ITGA11: variants seen among roughly 807,000 people sequenced by gnomAD.
ITGA11 encodes integrin alpha-11.
Under a neutral mutation model 141.9 loss-of-function variants are expected in ITGA11, and 97 were observed. The ratio of observed to expected loss-of-function variants is 0.68; its 90% CI spans 0.58 to 0.81. The LOEUF is 0.81. ITGA11 is among the 30% of genes least tolerant of loss of function. ITGA11 has a pLI of 0.00. For synonymous variants in ITGA11, 658 were observed against 624.6 expected (o/e 1.05, Z -0.80); for missense variants, 1,387 against 1,559.2 (o/e 0.89, Z 1.86).
intron 2 of ITGA11, among the ~76,000 whole-genome samples, chr15:68,402,651 C>G (rs916872858): frequency 6.6e-6 from 1 of 152,164 alleles, no homozygotes; most frequent in Non-Finnish European, 1.5e-5. Context: ...CTGCTACCCC[C>G]ACTGTCACAT....
In ITGA11 at chr15:68,320,198, C is replaced by T. The variant is rs753435130; in HGVS notation, c.2603G>A (p.Ser868Asn). 2.5e-6 allele frequency: 4 copies of T among 1,613,846 alleles called. No homozygotes were observed. The highest frequency in any genetic ancestry group is 3.4e-6 in the Non-Finnish European group (4 of 1,179,876). ...CTGAGGTCTTACCTTCTGGATCAAGCTGGCAAACTGCAGGTTTGCTGACTG... is the reference window on the plus strand; with the variant it reads ...CTGAGGTCTTACCTTCTGGATCAAGTTGGCAAACTGCAGGTTTGCTGACTG... ...ISQSANLQFA[S>N]LIQKEDSDGS... The change falls in exon 20 of 30, where the codon AGC (serine) becomes AAC (asparagine). Residue 868 changes from serine (S) to asparagine (N), a missense_variant. By Grantham distance (46) the Ser-to-Asn change is conservative (BLOSUM62 1). Transcript: ENST00000315757.
intron 2 of ITGA11, among the ~76,000 whole-genome samples, chr15:68,390,533 C>A (rs1203676760): frequency 6.6e-6 from 1 of 152,136 alleles, no homozygotes; most frequent in African/African-American, 2.4e-5. Context: ...GAAACTCTTT[C>A]AAACATGCAG....
chr15:68,397,244 TTATATTTTATAA>T (rs1896303134), intron 2 of ITGA11, among the ~76,000 whole-genome samples: 35 of 40 alleles, frequency 0.88, 16 homozygotes, highest in Admixed American at 1. Context: ...ATGTATTATA[TTATATTTTATAA>T]AATATTATAA....
intron 21 of ITGA11, among the ~76,000 whole-genome samples, chr15:68,316,162 A>G (rs1893567986): frequency 6.6e-6 from 1 of 152,054 alleles, no homozygotes; most frequent in Non-Finnish European, 1.5e-5. Context: ...TGCCTTGTCC[A>G]CCTCTTCTTT....
rs755120693 is a variant in ITGA11, at chr15:68,299,870, A to T, written c.*3189T>A. 9 of 152,112 alleles carry T rather than the reference A, an allele frequency of 5.9e-5. No individual in the cohort carries two copies. Among genetic ancestry groups the T allele is most frequent in the Non-Finnish European group, 1.2e-4 (8 of 68,030 alleles). 9.4% of individuals were successfully genotyped at this position (152,112 alleles called of 1,614,324 possible). A position where few individuals can be genotyped will look rare whatever the true frequency, so the allele number is the denominator to read the frequency against. ...GGCAGAGCTATTCCATAGTGTCTCC[A>T]TTGTGTTTGCATTAGCACTTTGCCC... On this transcript the variant is annotated 3_prime_UTR_variant, in exon 30 of 30. Coordinates refer to ENST00000315757, the MANE Select transcript of ITGA11 (RefSeq NM_001004439.2).
Position 68,311,324 on chromosome 15 carries a change from C to T in ITGA11, c.3053G>A (p.Arg1018His), listed in dbSNP as rs368231487. 1.2e-5 allele frequency: 19 copies of T among 1,576,970 alleles called. No individual in the cohort carries two copies. Among genetic ancestry groups the T allele is most frequent in the African/African-American group, 2.7e-5 (2 of 74,178 alleles). The change falls in exon 25 of 30, where the codon CGC (arginine) becomes CAC (histidine). Residue 1018 changes from arginine to histidine, a missense_variant. By Grantham distance (29) the Arg-to-His change is conservative. Transcript: ENST00000315757. Reference sequence around the variant, plus strand: ...GAGGAAGTCCCTCAGCTTCAGTAGGCGGTTGCCGCTCCTGGTGGCGATGGG... The same window carrying T: ...GAGGAAGTCCCTCAGCTTCAGTAGGTGGTTGCCGCTCCTGGTGGCGATGGG... Reference protein sequence around the residue: ...TIPIATRSGNRLLKLRDFLTD... With the variant: ...TIPIATRSGNHLLKLRDFLTD...
rs1351095603 is a variant in ITGA11, at chr15:68,297,453, T to A, written c.*5606A>T. The A allele has an allele frequency of 1.5e-4, 23 of 149,168 alleles. No homozygotes were observed. Among genetic ancestry groups the A allele is most frequent in the African/African-American group, 3.5e-4 (14 of 40,268 alleles). 9.2% of individuals were successfully genotyped at this position (149,168 alleles called of 1,614,324 possible). On this transcript the variant is annotated 3_prime_UTR_variant, in exon 30 of 30. Transcript: ENST00000315757. The stretch of plus-strand genomic sequence containing the variant: ...TGAGCTTTTTTTTTTTTTTTTTTTT[T>A]ATCCAAAAGAAAGCTATGTCTGGTT...
intron 3 of ITGA11, chr15:68,365,344 C>T (rs2140355058): frequency 1.0e-6 from 1 of 986,922 alleles, no homozygotes; most frequent in African/African-American, 1.7e-5. Context: ...GCTGCCAGGC[C>T]TTGCCCAGGA....
At chr15:68,412,032 A>G (rs1282153386) in intron 1 of ITGA11, among the ~76,000 whole-genome samples, 1 of 152,092 alleles carries the variant, frequency 6.6e-6, no homozygotes. Flanking sequence ...AGCTTGGACC[A>G]GTTCACTCCC....
chr15:68,413,084 T>G (rs1365325121), intron 1 of ITGA11, among the ~76,000 whole-genome samples: 1 of 152,178 alleles, frequency 6.6e-6, no homozygotes, highest in Non-Finnish European at 1.5e-5. Context: ...ACAAAATATA[T>G]ACATGAAAAG....
chr15:68,384,415 G>A lies in ITGA11; in HGVS notation c.165-15131C>T, dbSNP rs1895934573. Reference sequence around the variant, plus strand: ...CTTCGCTCTTGGTTCTGGGGCTGCTGTGCTCTCCTTGGTCATTCTCACTGC... The same window carrying A: ...CTTCGCTCTTGGTTCTGGGGCTGCTATGCTCTCCTTGGTCATTCTCACTGC... On this transcript the variant is annotated intron_variant, in intron 2 of 29. Transcript: ENST00000315757. Among the ~76,000 whole-genome samples, 7 of 152,302 alleles carry A rather than the reference G, an allele frequency of 4.6e-5. 1 individual carries two copies. In the South Asian group the frequency reaches 1.4e-3, roughly 32 times the overall value.
chr15:68,400,687 TATATTATATATTATATAATAA>T (rs1293943986), intron 2 of ITGA11, among the ~76,000 whole-genome samples: 366 of 33,926 alleles, frequency 0.011, 39 homozygotes, highest in Middle Eastern at 0.017. Context: ...TAATAAATAT[TATATTATATATTATATAATAA>T]ATATTATATA....
intron 2 of ITGA11, among the ~76,000 whole-genome samples, chr15:68,371,704 C>T (rs866404759): frequency 4.0e-5 from 6 of 151,544 alleles, no homozygotes; most frequent in Non-Finnish European, 7.4e-5. Flanking sequence ...GGTGACAGAG[C>T]GAGACTCTAT....
At chr15:68,382,297 G>GATCT (rs1335977022) in intron 2 of ITGA11, among the ~76,000 whole-genome samples, 1 of 152,190 alleles carries the variant, frequency 6.6e-6, no homozygotes, top group African/African-American at 2.4e-5. Flanking sequence ...TTGCAGAGAG[G>GATCT]ATCTGCTGTC....
intron 11 of ITGA11, among the ~76,000 whole-genome samples, chr15:68,339,027 C>T (rs1397317723): frequency 6.6e-6 from 1 of 152,230 alleles, no homozygotes; most frequent in Non-Finnish European, 1.5e-5. Flanking sequence ...ATGATTTGTG[C>T]TTCTATCTAG....
At chr15:68,413,352 C>T (rs1896820258) in intron 1 of ITGA11, among the ~76,000 whole-genome samples, 1 of 152,190 alleles carries the variant, frequency 6.6e-6, no homozygotes, top group South Asian at 2.1e-4. Flanking sequence ...GTGTTAGTCC[C>T]CTCTATGGCC....
intron 5 of ITGA11, among the ~76,000 whole-genome samples, chr15:68,360,807 T>C (rs1264742918): frequency 6.6e-6 from 1 of 152,136 alleles, no homozygotes; most frequent in Non-Finnish European, 1.5e-5. Context: ...AAAGACGACC[T>C]TTCTGCCCCT....
intron 7 of ITGA11, among the ~76,000 whole-genome samples, chr15:68,353,894 G>C (rs572906576): frequency 6.6e-6 from 1 of 152,066 alleles, no homozygotes; most frequent in East Asian, 1.9e-4. Flanking sequence ...TTAGCCTCTG[G>C]TCCTGCTCAC....
rs768044608 is a variant in ITGA11 at position 68,357,269 on chromosome 15, C to T, written c.631G>A (p.Val211Met). The change falls in exon 7 of 30, where the codon GTG (valine) becomes ATG (methionine). Residue 211 changes from valine to methionine, a missense_variant. Coordinates refer to ENST00000315757, the MANE Select transcript of ITGA11 (RefSeq NM_001004439.2). ...TAGTCGTTGAGGTGAAACTCATGCACCACATCTTCGCCATACTGCACAACT... is the reference window on the plus strand; with the variant it reads ...TAGTCGTTGAGGTGAAACTCATGCATCACATCTTCGCCATACTGCACAACT... ...VGVVQYGEDV[V>M]HEFHLNDYRS... 9.3e-6 allele frequency: 15 copies of T among 1,613,666 alleles called. No individual in the cohort carries two copies. In the African/African-American group the frequency reaches 1.2e-4, roughly 13 times the overall value.
Sources: gnomAD v4.1 joint callset for allele counts (sites outside exome capture counted in the v4.1 genomes callset) on GRCh38, gnomAD v4.1.1 for gene constraint, MANE v1.5 for transcripts, NCBI Gene and HGNC (gene_info 2026-07-23, HGNC 2026-07-21) for gene names.